The following SPRYD7 variants were observed in gnomAD, a reference collection of about 807,000 sequenced individuals.
SPRYD7 encodes the protein SPRY domain containing 7.
Under a neutral mutation model 23.8 loss-of-function variants are expected in SPRYD7, and 14 were observed. That is an observed-to-expected ratio of 0.59 (90% CI 0.39 to 0.92). The LOEUF is 0.92. Ranked by LOEUF, SPRYD7 falls within the 40% of genes least tolerant of loss-of-function variation. The pLI, the probability that SPRYD7 is intolerant of heterozygous loss-of-function variation, is 0.00. For missense variants in SPRYD7, 194 were observed against 241.7 expected, an observed-to-expected ratio of 0.80 and a Z score of 1.31; for synonymous variants, 75 against 84.9, an observed-to-expected ratio of 0.88 and a Z score of 0.64.
rs1566398991 is a variant in SPRYD7 at position 49,913,511 on chromosome 13, T to C, written c.*1552A>G. The C allele has an allele frequency of 6.6e-6, 1 of 151,622 alleles. No individual in the cohort carries two copies. The highest frequency in any genetic ancestry group is 1.5e-5 in the Non-Finnish European group (1 of 67,922). 9.4% of individuals were successfully genotyped at this position (151,622 alleles called of 1,614,324 possible). ...AACTACACTTACTAAGTGCCTATGA[T>C]TTTTATTTTATTTTATTTTAATTTT... On this transcript the variant is annotated 3_prime_UTR_variant, in exon 5 of 5. Coordinates refer to ENST00000361840, the MANE Select transcript of SPRYD7 (RefSeq NM_020456.4).
At chr13:49,927,222 C>G (rs141649135) in intron 3 of SPRYD7, among the ~76,000 whole-genome samples, 2 of 152,068 alleles carry the variant, frequency 1.3e-5, no homozygotes, top group Non-Finnish European at 2.9e-5. Context: ...TGGCTAGGCG[C>G]GGTGGCTCAT....
chr13:49,924,349 C>T (rs1955854987), intron 3 of SPRYD7, among the ~76,000 whole-genome samples: 1 of 152,048 alleles, frequency 6.6e-6, no homozygotes, highest in African/African-American at 2.4e-5. Flanking sequence ...GATCACGGCT[C>T]ACTGCCGCCT....
In SPRYD7 at chr13:49,928,177, G is replaced by GCTGTA; in HGVS notation, c.224-97_224-93dup. The GCTGTA allele has an allele frequency of 7.0e-6, 8 of 1,135,902 alleles. No individual in the cohort carries two copies. In the South Asian group the frequency reaches 1.3e-4, roughly 18 times the overall value. 70.4% of individuals were successfully genotyped at this position (1,135,902 alleles called of 1,614,324 possible). Reference sequence around the variant, plus strand: ...GGAGTATAAACTTTTTAAAGGAAGTGCTGTATTAACACTAAATTGTTTTCT... The same window carrying GCTGTA: ...GGAGTATAAACTTTTTAAAGGAAGTGCTGTACTGTATTAACACTAAATTGTTTTCT... On this transcript the variant is annotated intron_variant, in intron 2 of 4. Coordinates refer to ENST00000361840, the MANE Select transcript of SPRYD7 (RefSeq NM_020456.4).
At chr13:49,930,872 G>A in intron 2 of SPRYD7, 146 bp downstream of exon 2, 2 of 510,912 alleles carry the variant, frequency 3.9e-6, no homozygotes, top group Non-Finnish European at 3.4e-6. Context: ...ATTTACCCAG[G>A]ATCACACAAC....
rs1955904518 is a variant in SPRYD7 at position 49,928,091 on chromosome 13, AATAT to A, written c.224-10_224-7del. 1 of 1,612,532 alleles carries A rather than the reference AATAT, an allele frequency of 6.2e-7. No homozygotes were observed. Among genetic ancestry groups the A allele is most frequent in the African/African-American group, 1.3e-5 (1 of 74,892 alleles). On this transcript the variant is annotated splice_polypyrimidine_tract_variant and splice_region_variant and intron_variant, in intron 2 of 4. Coordinates refer to ENST00000361840, the MANE Select transcript of SPRYD7 (RefSeq NM_020456.4). ...AACACCAATACCCCAGATTCCTAAA[AATAT>A]AACAGTTTAAATGCCCTCAAAATCT... is the stretch of plus-strand genomic sequence containing the variant.
At chr13:49,920,022 T>TA (rs1955800605) in intron 4 of SPRYD7, among the ~76,000 whole-genome samples, 1 of 152,066 alleles carries the variant, frequency 6.6e-6, no homozygotes, top group South Asian at 2.1e-4. Flanking sequence ...GGGTTTATTA[T>TA]ACTATTCTTT....
intron 4 of SPRYD7, among the ~76,000 whole-genome samples, chr13:49,920,118 G>A (rs574931071): frequency 8.5e-4 from 129 of 152,044 alleles, no homozygotes; most frequent in Non-Finnish European, 1.5e-3. Context: ...CCCAATAGTG[G>A]TGCACACTTG....
At position 49,915,012 on chromosome 13, in the gene SPRYD7, G is replaced by T; in HGVS notation, c.*51C>A. ...TAGGCCAGGTAAAGTTTTATTAAAT[G>T]ATGAACATTTTTTAACAGTGCAGAA... On this transcript the variant is annotated 3_prime_UTR_variant, in exon 5 of 5. Transcript: ENST00000361840. The T allele has an allele frequency of 9.6e-7, 1 of 1,046,228 alleles. No individual in the cohort carries two copies. Among genetic ancestry groups the T allele is most frequent in the South Asian group, 1.6e-5 (1 of 61,250 alleles). The allele number at this position is 1,046,228 out of a possible 1,614,324, so 64.8% of individuals were successfully genotyped here. A position where few individuals can be genotyped will look rare whatever the true frequency, so the allele number is the denominator to read the frequency against.
In SPRYD7 at chr13:49,928,602, G is replaced by C. The variant is rs1955911406; in HGVS notation, c.224-517C>G. On this transcript the variant is annotated intron_variant, in intron 2 of 4. Coordinates refer to ENST00000361840, the MANE Select transcript of SPRYD7 (RefSeq NM_020456.4). ...TGCGCAAATTACCTAACCTCTCTTT[G>C]TTCCCTTATCTGTGAACTGAGGATT... Among the ~76,000 whole-genome samples the C allele has an allele frequency of 4.6e-5, 7 of 152,082 alleles. No homozygotes were observed. The South Asian group carries it at 1.5e-3, about 32-fold the overall frequency.
chr13:49,934,403 A>T (rs1036143171), intron 1 of SPRYD7, among the ~76,000 whole-genome samples: 2 of 151,860 alleles, frequency 1.3e-5, no homozygotes, highest in African/African-American at 4.8e-5. Flanking sequence ...AAAAATACAA[A>T]AATTAGCCGG....
intron 2 of SPRYD7, among the ~76,000 whole-genome samples, chr13:49,928,451 A>G (rs534879024): frequency 6.6e-6 from 1 of 152,328 alleles, no homozygotes; most frequent in Admixed American, 6.5e-5. Flanking sequence ...CAATAAATAA[A>G]ATAAAATAAA....
At chr13:49,916,424 G>A (rs1038519049) in intron 4 of SPRYD7, among the ~76,000 whole-genome samples, 7 of 151,904 alleles carry the variant, frequency 4.6e-5, no homozygotes, top group African/African-American at 1.2e-4. Flanking sequence ...TTTAACAAGG[G>A]TGGTTTCAAT....
intron 2 of SPRYD7, among the ~76,000 whole-genome samples, chr13:49,930,572 C>A (rs1955936512): frequency 6.6e-6 from 1 of 151,250 alleles, no homozygotes; most frequent in African/African-American, 2.4e-5. Flanking sequence ...CAGAGCAAGA[C>A]TCCATCTCAA....
intron 4 of SPRYD7, among the ~76,000 whole-genome samples, chr13:49,919,651 C>T (rs1955794495): frequency 1.3e-5 from 2 of 148,628 alleles, no homozygotes; most frequent in South Asian, 4.2e-4. Flanking sequence ...ATCTTGAACC[C>T]AGGAGGCGGA....
At chr13:49,925,799 G>A (rs1395688549) in intron 3 of SPRYD7, among the ~76,000 whole-genome samples, 3 of 150,686 alleles carry the variant, frequency 2.0e-5, no homozygotes, top group South Asian at 4.2e-4. Flanking sequence ...GTGACAGAGC[G>A]AGTGGCCATC....
chr13:49,925,641 C>T (rs1381921369), intron 3 of SPRYD7, among the ~76,000 whole-genome samples: 1 of 151,622 alleles, frequency 6.6e-6, no homozygotes, highest in Non-Finnish European at 1.5e-5. Context: ...GAAAACCCGT[C>T]TCTAGTAAAA....
intron 1 of SPRYD7, 81 bp downstream of exon 1, chr13:49,936,049 A>T: frequency 2.1e-5 from 12 of 561,166 alleles, no homozygotes; most frequent in Non-Finnish European, 3.2e-5. Context: ...CAGCGTGGGG[A>T]CCCTCTGACC....
At position 49,914,132 on chromosome 13, in the gene SPRYD7, G is replaced by T. The variant is rs1218180344; in HGVS notation, c.*931C>A. On this transcript the variant is annotated 3_prime_UTR_variant, in exon 5 of 5. Transcript: ENST00000361840. Reference sequence around the variant, plus strand: ...TTCAGGTCACAGGGCGTTAACTAAAGGACAGTGATTCTTAAGAACCAGGCA... The same window carrying T: ...TTCAGGTCACAGGGCGTTAACTAAATGACAGTGATTCTTAAGAACCAGGCA... 6.5e-6 allele frequency: 1 copy of T among 153,708 alleles called. No individual in the cohort carries two copies. Among genetic ancestry groups the T allele is most frequent in the East Asian group, 1.9e-4 (1 of 5,200 alleles). The allele number at this position is 153,708 out of a possible 1,614,324, so 9.5% of individuals were successfully genotyped here.
chr13:49,931,761 C>T (rs1216622840), intron 1 of SPRYD7, among the ~76,000 whole-genome samples: 1 of 152,054 alleles, frequency 6.6e-6, no homozygotes, highest in Non-Finnish European at 1.5e-5. Flanking sequence ...CCAGCCTGGG[C>T]AACCTTGCAA....
Sources: allele counts gnomAD v4.1 joint callset (sites outside exome capture counted in the v4.1 genomes callset), GRCh38; gene constraint gnomAD v4.1.1; transcripts MANE v1.5; gene names NCBI Gene and HGNC (gene_info 2026-07-23, HGNC 2026-07-21).